DIP2C: variants seen among roughly 807,000 people sequenced by gnomAD.
DIP2C encodes the protein disco-interacting protein 2 homolog C.
Under a neutral mutation model 192.4 loss-of-function variants are expected in DIP2C, and 33 were observed. The observed-to-expected ratio is 0.17, with a 90% confidence interval of 0.13 to 0.23. The LOEUF is 0.23. Ranked by LOEUF, DIP2C falls within the 10% of genes least tolerant of loss-of-function variation. DIP2C has a pLI of 1.00. For missense variants in DIP2C, 1,537 were observed against 2,110.1 expected (o/e 0.73, Z 5.32); for synonymous variants, 979 against 864.1 (o/e 1.13, Z -2.33).
intron 1 of DIP2C, among the ~76,000 whole-genome samples, chr10:596,940 G>A (rs1213432713): frequency 6.6e-6 from 1 of 152,254 alleles, no homozygotes; most frequent in Non-Finnish European, 1.5e-5. Context: ...AGGGCCACAC[G>A]TGGCATTGGT....
At chr10:449,772 AAAGT>A (rs1302439638) in intron 3 of DIP2C, among the ~76,000 whole-genome samples, 3 of 145,250 alleles carry the variant, frequency 2.1e-5, no homozygotes, top group Admixed American at 2.0e-4. Context: ...CCTAAAACTT[AAAGT>A]ATAATTAAAA....
chr10:650,478 C>T (rs1355114726), intron 1 of DIP2C: 6 of 704,384 alleles, frequency 8.5e-6, no homozygotes, highest in East Asian at 2.7e-5. Flanking sequence ...AGAGAGTCCA[C>T]GGCCACTTCT....
At chr10:441,048 C>CA (rs1967686698) in intron 3 of DIP2C, 52 bp from the exon 4 acceptor site, 1 of 1,571,458 alleles carries the variant, frequency 6.4e-7, no homozygotes, top group African/African-American at 1.3e-5. Flanking sequence ...TCCCAGAGGC[C>CA]AAGCTGCACC....
At chr10:471,777 G>T (rs1020306872) in intron 3 of DIP2C, among the ~76,000 whole-genome samples, 1 of 152,098 alleles carries the variant, frequency 6.6e-6, no homozygotes, top group African/African-American at 2.4e-5. Flanking sequence ...TTTTGAGATG[G>T]AGTTTTGCTC....
At chr10:369,234 C>T (rs941766168) in intron 18 of DIP2C, among the ~76,000 whole-genome samples, 5 of 152,174 alleles carry the variant, frequency 3.3e-5, no homozygotes, top group African/African-American at 1.2e-4. Context: ...GCACTGGCCC[C>T]GAAGCCTTCC....
chr10:476,004 C>G (rs989742473), intron 2 of DIP2C, among the ~76,000 whole-genome samples: 1 of 152,238 alleles, frequency 6.6e-6, no homozygotes, highest in Non-Finnish European at 1.5e-5. Context: ...TGAGGGCTCA[C>G]GTTCACAGTC....
At chr10:552,647 T>G (rs1333982696) in intron 1 of DIP2C, among the ~76,000 whole-genome samples, 3 of 152,158 alleles carry the variant, frequency 2.0e-5, no homozygotes, top group Non-Finnish European at 2.9e-5. Context: ...TCAGGAGATC[T>G]AGACCATCCT....
At position 577,821 on chromosome 10, in the gene DIP2C, G is replaced by T. The variant is rs886401827; in HGVS notation, c.86-91291C>A. 3.5e-5 allele frequency among the ~76,000 whole-genome samples: 5 copies of T among 143,122 alleles called. No homozygotes were observed. The South Asian group carries it at 6.3e-4, about 18-fold the overall frequency. 93.9% of individuals were successfully genotyped at this position (143,122 alleles called of 152,430 possible). On this transcript the variant is annotated intron_variant, in intron 1 of 36. Transcript: ENST00000280886. ...TTTGTTTTGTTTCTTTTGTTTTTTT[G>T]TGTTTTTTTTTTTTTAACCACAAAA...
intron 1 of DIP2C, among the ~76,000 whole-genome samples, chr10:686,501 C>G (rs1158672657): frequency 2.0e-5 from 3 of 152,238 alleles, no homozygotes; most frequent in Non-Finnish European, 4.4e-5. Flanking sequence ...GCCTCCTTAC[C>G]TGCATGGCCT....
At chr10:477,135 G>A (rs1339347039) in intron 2 of DIP2C, among the ~76,000 whole-genome samples, 1 of 147,460 alleles carries the variant, frequency 6.8e-6, no homozygotes, top group Non-Finnish European at 1.5e-5. Flanking sequence ...AAGGCAGTGA[G>A]GCCAGCACAG....
chr10:621,849 G>A (rs1853871195), intron 1 of DIP2C, among the ~76,000 whole-genome samples: 2 of 152,184 alleles, frequency 1.3e-5, no homozygotes, highest in African/African-American at 2.4e-5. Context: ...CATGGCTTCC[G>A]GAGAGGATGT....
chr10:355,175 G>C (rs75916236), intron 24 of DIP2C, among the ~76,000 whole-genome samples: 4,154 of 152,232 alleles, frequency 0.027, 173 homozygotes, highest in African/African-American at 0.095. Flanking sequence ...AGAAGGTGGT[G>C]GCAGAAACGG....
chr10:638,080 T>G (rs933377099), intron 1 of DIP2C, among the ~76,000 whole-genome samples: 4 of 152,112 alleles, frequency 2.6e-5, no homozygotes, highest in African/African-American at 9.7e-5. Flanking sequence ...CGGCCAGGTG[T>G]GTGCCTCGGG....
chr10:644,771 G>C (rs1855368132), intron 1 of DIP2C, among the ~76,000 whole-genome samples: 1 of 152,266 alleles, frequency 6.6e-6, no homozygotes, highest in African/African-American at 2.4e-5. Flanking sequence ...ACAGCATCTA[G>C]GGGGCAACCC....
At chr10:371,904 T>TA (rs753425506) in intron 17 of DIP2C, among the ~76,000 whole-genome samples, 12 of 152,314 alleles carry the variant, frequency 7.9e-5, no homozygotes, top group Middle Eastern at 6.8e-3. Context: ...ATCTTAGTGA[T>TA]AAAAATTTAA....
chr10:446,569 TCTC>T (rs1968239162), intron 3 of DIP2C, among the ~76,000 whole-genome samples: 1 of 152,232 alleles, frequency 6.6e-6, no homozygotes, highest in African/African-American at 2.4e-5. Context: ...GCCTTTTAGT[TCTC>T]CTGACTCACT....
Position 418,075 on chromosome 10 carries a change from A to G in DIP2C, c.739+990T>C, listed in dbSNP as rs532686058. Among the ~76,000 whole-genome samples, 2 of 7,338 alleles carry G rather than the reference A, an allele frequency of 2.7e-4. 1 individual carries two copies. Among genetic ancestry groups the G allele is most frequent in the Admixed American group, 3.3e-3 (2 of 608 alleles). 4.8% of individuals were successfully genotyped at this position (7,338 alleles called of 152,430 possible). ...TTCGATAGGCCTCCCTGTTCACTGC[A>G]CCTGTCAGGCCTCAGATAGGCATCC... is the stretch of plus-strand genomic sequence containing the variant. On this transcript the variant is annotated intron_variant, in intron 6 of 36. Transcript: ENST00000280886.
chr10:521,037 CAAGAG>C (rs1436093124), intron 1 of DIP2C, among the ~76,000 whole-genome samples: 5 of 152,166 alleles, frequency 3.3e-5, no homozygotes, highest in Admixed American at 2.0e-4. Flanking sequence ...TTACAAAAAT[CAAGAG>C]AAGTATTTAA....
intron 29 of DIP2C, among the ~76,000 whole-genome samples, chr10:337,714 C>A (rs1260777768): frequency 7.2e-4 from 102 of 141,796 alleles, no homozygotes; most frequent in Middle Eastern, 4.4e-3. Context: ...GTTGTGGAGG[C>A]CTAGGCTGAT....
Sources: allele counts gnomAD v4.1 joint callset (sites outside exome capture counted in the v4.1 genomes callset), GRCh38; gene constraint gnomAD v4.1.1; transcripts MANE v1.5; gene names NCBI Gene and HGNC (gene_info 2026-07-23, HGNC 2026-07-21).